Variants in BCOR observed in about 807,000 individuals in gnomAD.
BCOR encodes the protein BCL-6 corepressor.
A neutral mutation model predicts 86.7 loss-of-function variants in BCOR; 10 were observed. The observed-to-expected ratio is 0.12, with a 90% CI of 0.07 to 0.20. The LOEUF is 0.20. Among genes scored for constraint, BCOR ranks in the 10% least tolerant of loss-of-function variants. The pLI, the probability that BCOR is intolerant of heterozygous loss-of-function variation, is 1.00. For missense variants in BCOR, 1,259 were observed against 1,452.1 expected (o/e 0.87, Z 2.16); for synonymous variants, 611 against 609.0 (o/e 1.00, Z -0.05).
In BCOR at chrX:40,156,780, C is replaced by G. The variant is rs185135736; in HGVS notation, c.-41+20227G>C. On this transcript the variant is annotated intron_variant, in intron 1 of 14. Transcript: ENST00000342274. ...CGGTTCTCTCCTGTCCAGGCCCCAG[C>G]CTGGTACGCTCACGCCTGGGGCAGC... 6.4e-3 allele frequency among the ~76,000 whole-genome samples: 726 copies of G among 113,621 alleles called. 7 individuals are homozygous for G. Among genetic ancestry groups the G allele is most frequent in the African/African-American group, 0.022 (691 of 31,395 alleles).
intron 1 of BCOR, among the ~76,000 whole-genome samples, chrX:40,152,047 T>C (rs1938178123): frequency 9.0e-6 from 1 of 110,548 alleles, no homozygotes; most frequent in East Asian, 2.9e-4. Context: ...TGGGCACAGC[T>C]AGTGCAGCGG....
rs1211977813 is a variant in BCOR at position 40,064,610 on chromosome X, G to A, written c.3239-11C>T. 2 of 1,211,601 alleles carry A rather than the reference G, an allele frequency of 1.7e-6. No homozygotes were observed. The highest frequency in any genetic ancestry group is 3.5e-5 in the South Asian group (2 of 56,973). ...CAACACTATACTCGCCTGGGGGAGG[G>A]GAGACAAGAGGGCATTAATGAAGCC... On this transcript the variant is annotated splice_polypyrimidine_tract_variant and intron_variant, in intron 6 of 14. Coordinates refer to ENST00000378444, the MANE Select transcript of BCOR (RefSeq NM_001123385.2).
At chrX:40,145,112 A>G (rs1938012829) in intron 1 of BCOR, among the ~76,000 whole-genome samples, 1 of 110,637 alleles carries the variant, frequency 9.0e-6, no homozygotes, top group African/African-American at 3.3e-5. Flanking sequence ...AGCCCCTGGA[A>G]GAGGACTGCA....
Position 40,073,138 on chromosome X carries a change from C to T in BCOR, c.2208G>A (p.Glu736=). The change falls in exon 4 of 15, where the codon GAG becomes GAA. Residue 736 remains glutamate (E), a synonymous_variant. Coordinates refer to ENST00000378444, the MANE Select transcript of BCOR (RefSeq NM_001123385.2). ...HPMLIPHTPI[E]ITKEEKPERR... is the part of the protein sequence containing the mutation. Reference sequence around the variant, plus strand: ...TCTCTGGTTTCTCCTCTTTAGTAATCTCTATGGGCGTGTGTGGTATCAACA... The same window carrying T: ...TCTCTGGTTTCTCCTCTTTAGTAATTTCTATGGGCGTGTGTGGTATCAACA... 1 of 1,212,039 alleles carries T rather than the reference C, an allele frequency of 8.3e-7. No homozygotes were observed. Among genetic ancestry groups the T allele is most frequent in the Non-Finnish European group, 1.1e-6 (1 of 895,594 alleles).
Position 40,064,285 on chromosome X carries a change from C to T in BCOR, c.3502+51G>A, listed in dbSNP as rs377764624. On this transcript the variant is annotated intron_variant, in intron 7 of 14. Coordinates refer to ENST00000378444, the MANE Select transcript of BCOR (RefSeq NM_001123385.2). ...ACATCTCCTGTCCATCCACTGTGGC[C>T]GCATGCAAAGGCCCACCCCCCGGCA... 3.5e-5 allele frequency: 42 copies of T among 1,207,371 alleles called. No homozygotes were observed. In the African/African-American group the frequency reaches 4.5e-4, roughly 13 times the overall value.
At chrX:40,135,760 C>T (rs1425085804) in intron 1 of BCOR, among the ~76,000 whole-genome samples, 2 of 111,496 alleles carry the variant, frequency 1.8e-5, no homozygotes, top group Non-Finnish European at 3.8e-5. Context: ...CTGAGATTGG[C>T]GGCAATGACC....
chrX:40,063,287 C>G (rs184995867), intron 8 of BCOR, among the ~76,000 whole-genome samples: 1 of 112,534 alleles, frequency 8.9e-6, no homozygotes, highest in Non-Finnish European at 1.9e-5. Context: ...CCACAAAACG[C>G]CAAGTGGCAA....
Position 40,139,984 on chromosome X carries a change from AACATCT to A in BCOR, c.-41+37017_-41+37022del, listed in dbSNP as rs1408378280. 6.4e-5 allele frequency among the ~76,000 whole-genome samples: 7 copies of A among 109,936 alleles called. 1 individual carries two copies. The highest frequency in any genetic ancestry group is 1.3e-4 in the Non-Finnish European group (7 of 52,740). On this transcript the variant is annotated intron_variant, in intron 1 of 14. Coordinates refer to the BCOR transcript ENST00000342274. ...TCTGCCAAGTGCAGGTGTTACCCAT[AACATCT>A]GCCATGAACTTGATGTCACCTGGGC... is the stretch of plus-strand genomic sequence containing the variant.
At chrX:40,096,597 GCGGCAGGTCGAGCT>G (rs1263681164) in intron 1 of BCOR, among the ~76,000 whole-genome samples, 3 of 111,553 alleles carry the variant, frequency 2.7e-5, no homozygotes, top group Non-Finnish European at 5.7e-5. Context: ...CGCGGCAGCG[GCGGCAGGTCGAGCT>G]CGGCTCGGCC....
chrX:40,158,270 C>T (rs1602274339), intron 1 of BCOR, among the ~76,000 whole-genome samples: 1 of 112,490 alleles, frequency 8.9e-6, no homozygotes, highest in African/African-American at 3.2e-5. Flanking sequence ...CAGCGCGCGC[C>T]CCGGCTGACA....
Position 40,055,363 on chromosome X carries a change from C to T in BCOR, c.4741+5G>A, listed in dbSNP as rs776715173. On this transcript the variant is annotated splice_donor_5th_base_variant and intron_variant, in intron 12 of 14. Coordinates refer to ENST00000378444, the MANE Select transcript of BCOR (RefSeq NM_001123385.2). ...AATAAGACCATTTCTTGAACTTTGT[C>T]ATACCTGTTAAGAACTTTTCCATAA... 2 of 1,207,572 alleles carry T rather than the reference C, an allele frequency of 1.7e-6. No individual in the cohort carries two copies. Among genetic ancestry groups the T allele is most frequent in the Non-Finnish European group, 2.2e-6 (2 of 891,712 alleles).
rs1935589090 is a variant in BCOR, at chrX:40,073,426, C to T, written c.1920G>A (p.Leu640=). ...GGGACCTGAATGCCTCATTTGGAGA[C>T]AGAAATATAGAGCTTGGTGGAAGGC... ...ENGLPPSSIF[L]SPNEAFRSPP... Residue 640 remains leucine (L), a synonymous_variant, in exon 4 of 15, where the codon CTG becomes CTA. Transcript: ENST00000378444. 8.2e-7 allele frequency: 1 copy of T among 1,212,339 alleles called. No individual in the cohort carries two copies. The highest frequency in any genetic ancestry group is 1.1e-6 in the Non-Finnish European group (1 of 895,683).
chrX:40,139,451 ATATACATAT>A, intron 1 of BCOR, among the ~76,000 whole-genome samples: 1 of 4,398 alleles, frequency 2.3e-4, no homozygotes, highest in Admixed American at 5.3e-3. Context: ...TATATAATAT[ATATACATAT>A]ATATATATAT....
chrX:40,051,825 AAAAAG>A lies in BCOR; in HGVS notation c.*279_*283del, dbSNP rs777022722. On this transcript the variant is annotated 3_prime_UTR_variant, in exon 15 of 15. Coordinates refer to ENST00000378444, the MANE Select transcript of BCOR (RefSeq NM_001123385.2). ...TTTTACTCATTTTTTTTTCTCCTTA[AAAAAG>A]AAAAGAAACAAATGTTCCAAGTAAA... 28 of 250,122 alleles carry A rather than the reference AAAAAG, an allele frequency of 1.1e-4. No homozygotes were observed. Among genetic ancestry groups the A allele is most frequent in the African/African-American group, 5.9e-4 (21 of 35,626 alleles). The allele number at this position is 250,122 out of a possible 1,213,427, so 20.6% of individuals were successfully genotyped here. A position where few individuals can be genotyped will look rare whatever the true frequency, so the allele number is the denominator to read the frequency against.
At chrX:40,103,563 T>TA (rs1374074375) in intron 1 of BCOR, among the ~76,000 whole-genome samples, 1 of 110,845 alleles carries the variant, frequency 9.0e-6, no homozygotes, top group Non-Finnish European at 1.9e-5. Context: ...AATAATAATT[T>TA]AAAAAAAGAG....
At chrX:40,141,625 C>T (rs1937924753) in intron 1 of BCOR, among the ~76,000 whole-genome samples, 1 of 111,088 alleles carries the variant, frequency 9.0e-6, no homozygotes, top group African/African-American at 3.3e-5. Flanking sequence ...TACATTTGTC[C>T]AGGAGCTTTT....
chrX:40,117,771 A>G (rs752154210), intron 1 of BCOR, among the ~76,000 whole-genome samples: 2 of 110,346 alleles, frequency 1.8e-5, no homozygotes, highest in South Asian at 7.9e-4. Flanking sequence ...CAAGTCGCTC[A>G]CCCTCTCTGG....
At chrX:40,078,542 GAA>G (rs982332799) in intron 1 of BCOR, among the ~76,000 whole-genome samples, 1 of 112,035 alleles carries the variant, frequency 8.9e-6, no homozygotes, top group Non-Finnish European at 1.9e-5. Context: ...GATCAAGTGT[GAA>G]AAAGAGTCGG....
Position 40,063,744 on chromosome X carries a change from C to T in BCOR, c.3711G>A (p.Val1237=), listed in dbSNP as rs753256966. Residue 1237 remains valine (V), a synonymous_variant, in exon 8 of 15, where the codon GTG becomes GTA. Coordinates refer to ENST00000378444, the MANE Select transcript of BCOR (RefSeq NM_001123385.2). The part of the protein sequence containing the change: ...GKPGRQSRKE[V]TQATQPEAIP... ...TGGCCTCAGGCTGAGTGGCCTGGGT[C>T]ACTTCCTTCCTGCTTTGCCGGCCAG... is the stretch of plus-strand genomic sequence containing the variant. The T allele has an allele frequency of 3.6e-5, 43 of 1,210,325 alleles. No individual in the cohort carries two copies. Among genetic ancestry groups the T allele is most frequent in the East Asian group, 2.1e-4 (7 of 33,759 alleles).
Sources: gnomAD v4.1 joint callset for allele counts (sites outside exome capture counted in the v4.1 genomes callset) on GRCh38, gnomAD v4.1.1 for gene constraint, MANE v1.5 for transcripts, NCBI Gene and HGNC (gene_info 2026-07-23, HGNC 2026-07-21) for gene names.